The following NECTIN1 variants were observed in gnomAD, a reference collection of about 807,000 sequenced individuals.
NECTIN1 encodes nectin cell adhesion molecule 1.
In NECTIN1, 23 loss-of-function variants were observed where a neutral mutation model predicts 48.0. The observed-to-expected ratio is 0.48, with a 90% confidence interval of 0.34 to 0.68. NECTIN1 has a LOEUF of 0.68. Ranked by LOEUF, NECTIN1 falls within the 30% of genes least tolerant of loss-of-function variation. NECTIN1 has a pLI of 0.01. For missense variants in NECTIN1, 591 were observed against 709.9 expected, an observed-to-expected ratio of 0.83 and a Z score of 1.90; for synonymous variants, 270 against 288.9, an observed-to-expected ratio of 0.93 and a Z score of 0.66.
At chr11:119,694,498 C>A (rs1231936699) in intron 1 of NECTIN1, among the ~76,000 whole-genome samples, 2 of 152,222 alleles carry the variant, frequency 1.3e-5, no homozygotes, top group Non-Finnish European at 2.9e-5. Context: ...GGTAGGCAGG[C>A]AGTTGGGAGG....
intron 1 of NECTIN1, among the ~76,000 whole-genome samples, chr11:119,693,819 T>C (rs943032044): frequency 6.6e-6 from 1 of 152,202 alleles, no homozygotes; most frequent in African/African-American, 2.4e-5. Flanking sequence ...GGGCCCTCCA[T>C]GTTGCAGCGC....
At chr11:119,660,350 C>T (rs1389081901), downstream of NECTIN1, among the ~76,000 whole-genome samples, 7 of 151,288 alleles carry the variant, frequency 4.6e-5, no homozygotes, top group Non-Finnish European at 1.0e-4. Context: ...GGGAGGTAAC[C>T]GAGGAACAAG....
rs201959047 is a variant in NECTIN1, at chr11:119,665,262, G to A, written c.1039C>T (p.Arg347Trp). The A allele has an allele frequency of 8.1e-6, 13 of 1,596,520 alleles. No homozygotes were observed. Among genetic ancestry groups the A allele is most frequent in the South Asian group, 5.5e-5 (5 of 90,810 alleles). Residue 347 changes from arginine to tryptophan, a missense_variant, in exon 6 of 6, where the codon CGG becomes TGG. Transcript: ENST00000264025. The surrounding 1 kb of genome is among the most constrained non-coding windows in gnomAD (Gnocchi z 5.1). Reference protein sequence around the residue: ...PYTPSPPEHGRRAGPVPTAII... With the variant: ...PYTPSPPEHGWRAGPVPTAII... ...GCCGTGGGCACCGGCCCGGCGCGCCGCCCATGTTCGGGAGGAGACGGGGTG... is the reference window on the plus strand; with the variant it reads ...GCCGTGGGCACCGGCCCGGCGCGCCACCCATGTTCGGGAGGAGACGGGGTG...
Position 119,662,965 on chromosome 11 carries a change from C to A in NECTIN1, c.*1782G>T. The A allele has an allele frequency of 1.0e-6, 1 of 975,258 alleles. No individual in the cohort carries two copies. The highest frequency in any genetic ancestry group is 1.8e-5 in the African/African-American group (1 of 54,954). 60.4% of individuals were successfully genotyped at this position (975,258 alleles called of 1,614,324 possible). ...ACAACGACGACCCACCTGCTGGGCC[C>A]AGGGTTGCCAGGGCAGAAATGGAGC... On this transcript the variant is annotated 3_prime_UTR_variant, in exon 6 of 6. Transcript: ENST00000264025. This position sits in a 1 kb window ranked among gnomAD's most constrained non-coding sequence, Gnocchi z 5.3.
rs565306004 is a variant in NECTIN1, at chr11:119,728,559, G to T, written c.-6C>A. 1.5e-5 allele frequency: 23 copies of T among 1,572,548 alleles called. No individual in the cohort carries two copies. The highest frequency in any genetic ancestry group is 2.4e-5 in the East Asian group (1 of 42,212). ...GCAAGCCCCATCCGAGCCATCGGGG[G>T]CCGGGGGTCCGGCGAGAGGGGCGGC... On this transcript the variant is annotated 5_prime_UTR_variant, in exon 1 of 6. Coordinates refer to ENST00000264025, the MANE Select transcript of NECTIN1 (RefSeq NM_002855.5).
Position 119,665,241 on chromosome 11 carries a change from T to A in NECTIN1, c.1060A>T (p.Thr354Ser), listed in dbSNP as rs368903682. ...EHGRRAGPVP[T>S]AIIGGVAGSI... ...CCCGCCACGCCCCCAATGATGGCCG[T>A]GGGCACCGGCCCGGCGCGCCGCCCA... is the stretch of plus-strand genomic sequence containing the variant. The change falls in exon 6 of 6, where the codon ACG (threonine) becomes TCG (serine). Residue 354 changes from threonine (T) to serine (S), a missense_variant. Transcript: ENST00000264025. This position sits in a 1 kb window ranked among gnomAD's most constrained non-coding sequence, Gnocchi z 5.1. 1.1e-4 allele frequency: 183 copies of A among 1,600,596 alleles called. No individual in the cohort carries two copies. Among genetic ancestry groups the A allele is most frequent in the Non-Finnish European group, 1.5e-4 (178 of 1,178,032 alleles).
intron 5 of NECTIN1, among the ~76,000 whole-genome samples, chr11:119,649,325 G>A (rs1349669479): frequency 1.3e-5 from 2 of 151,658 alleles, no homozygotes; most frequent in African/African-American, 2.4e-5. Flanking sequence ...AGGTTGCAGT[G>A]AGCCAAGATT....
intron 5 of NECTIN1, among the ~76,000 whole-genome samples, chr11:119,671,177 TCCTCC>T (rs1275684958): frequency 7.3e-5 from 11 of 151,470 alleles, no homozygotes; most frequent in Non-Finnish European, 1.6e-4. Context: ...GAGTGGAGCG[TCCTCC>T]CCTCCCCCTC....
At chr11:119,671,993 C>A (rs1275294445) in intron 5 of NECTIN1, among the ~76,000 whole-genome samples, 1 of 152,260 alleles carries the variant, frequency 6.6e-6, no homozygotes, top group Non-Finnish European at 1.5e-5. Flanking sequence ...GACACATGTC[C>A]ATACCATGGC....
intron 1 of NECTIN1, among the ~76,000 whole-genome samples, chr11:119,705,116 G>T (rs1312985774): frequency 6.6e-6 from 1 of 152,150 alleles, no homozygotes; most frequent in Non-Finnish European, 1.5e-5. Flanking sequence ...GGAACCATAA[G>T]GGAGATGCAG....
chr11:119,689,129 G>A (rs1005366001), intron 1 of NECTIN1, among the ~76,000 whole-genome samples: 13 of 152,184 alleles, frequency 8.5e-5, no homozygotes, highest in African/African-American at 2.7e-4. Flanking sequence ...CTGCTTAAGT[G>A]AAATCCACAA....
At chr11:119,659,932 A>G (rs917170193), downstream of NECTIN1, among the ~76,000 whole-genome samples, 9 of 152,214 alleles carry the variant, frequency 5.9e-5, no homozygotes, top group African/African-American at 2.2e-4. Context: ...ACCAATTTGC[A>G]TCTCATTCGA....
intron 1 of NECTIN1, among the ~76,000 whole-genome samples, chr11:119,725,453 G>A (rs1028503875): frequency 2.6e-5 from 4 of 152,164 alleles, no homozygotes; most frequent in African/African-American, 9.7e-5. Flanking sequence ...TTCCCCTCCA[G>A]CCTTGACTAC....
intron 5 of NECTIN1, among the ~76,000 whole-genome samples, chr11:119,645,291 C>G (rs1864381826): frequency 6.6e-6 from 1 of 152,176 alleles, no homozygotes; most frequent in African/African-American, 2.4e-5. Context: ...ACCAGAGAGG[C>G]AAGGGCTGGA....
chr11:119,705,085 G>C (rs1160997784), intron 1 of NECTIN1, among the ~76,000 whole-genome samples: 1 of 152,178 alleles, frequency 6.6e-6, no homozygotes, highest in Non-Finnish European at 1.5e-5. Context: ...CGGGAGGCCA[G>C]CCCACATCAC....
In NECTIN1 at chr11:119,678,530, G is replaced by A. The variant is rs777561931; in HGVS notation, c.315C>T (p.Thr105=). ...GGCGGGAGAGGCGGATAGTGCCATC[G>A]GTGAAGGAGGGCCGCAGGAATTCCA... ...ERVEFLRPSF[T]DGTIRLSRLE... Residue 105 remains threonine, a synonymous_variant, in exon 2 of 6, where the codon ACC becomes ACT. Coordinates refer to ENST00000264025, the MANE Select transcript of NECTIN1 (RefSeq NM_002855.5). This position sits in a 1 kb window ranked among gnomAD's most constrained non-coding sequence, Gnocchi z 4.4. 30 of 1,614,096 alleles carry A rather than the reference G, an allele frequency of 1.9e-5. No individual in the cohort carries two copies. The highest frequency in any genetic ancestry group is 9.3e-5 in the African/African-American group (7 of 74,940).
chr11:119,712,379 G>A (rs542056513), intron 1 of NECTIN1, among the ~76,000 whole-genome samples: 1 of 119,342 alleles, frequency 8.4e-6, no homozygotes, highest in Admixed American at 1.0e-4. Context: ...CCATAGCCCC[G>A]GGCATAGTTT....
intron 5 of NECTIN1, among the ~76,000 whole-genome samples, chr11:119,651,305 G>A (rs112198535): frequency 7.7e-4 from 117 of 152,276 alleles, no homozygotes; most frequent in African/African-American, 2.8e-3. Context: ...GGGCTTGGGT[G>A]TGTCTTCAGA....
At chr11:119,704,911 C>T (rs1389836893) in intron 1 of NECTIN1, among the ~76,000 whole-genome samples, 2 of 152,232 alleles carry the variant, frequency 1.3e-5, no homozygotes, top group Admixed American at 6.5e-5. Flanking sequence ...CTGGCCCTGC[C>T]ACTTACATGT....
Sources: gnomAD v4.1 joint callset for allele counts (sites outside exome capture counted in the v4.1 genomes callset) on GRCh38, gnomAD v4.1.1 for gene constraint, Gnocchi (gnomAD v3.1) non-coding constraint, MANE v1.5 for transcripts, NCBI Gene and HGNC (gene_info 2026-07-23, HGNC 2026-07-21) for gene names.